Variants in SORBS2 observed in about 807,000 individuals in gnomAD.
The protein encoded by SORBS2 is sorbin and SH3 domain containing 2, also known as sorbin and SH3 domain-containing protein 2.
In SORBS2, 46 loss-of-function variants were observed where a neutral mutation model predicts 97.7. The observed-to-expected ratio is 0.47, with a 90% confidence interval of 0.37 to 0.60. The LOEUF is 0.60. Among genes scored for constraint, SORBS2 ranks in the 20% least tolerant of loss-of-function variants. The probability of loss-of-function intolerance (pLI) is 0.00; values close to 1 mark genes in which losing one functional copy is unlikely to be tolerated. For missense variants in SORBS2, 1,316 were observed against 1,282.3 expected, an observed-to-expected ratio of 1.03 and a Z score of -0.40; for synonymous variants, 476 against 473.4, an observed-to-expected ratio of 1.01 and a Z score of -0.07.
chr4:185,880,153 C>T (rs1211341997), intron 1 of SORBS2, among the ~76,000 whole-genome samples: 1 of 152,190 alleles, frequency 6.6e-6, no homozygotes, highest in African/African-American at 2.4e-5. Context: ...CAGGCTGCCT[C>T]GACCCTGCCT....
At chr4:185,897,866 G>A (rs2099245795) in intron 1 of SORBS2, among the ~76,000 whole-genome samples, 1 of 149,912 alleles carries the variant, frequency 6.7e-6, no homozygotes, top group Non-Finnish European at 1.5e-5. Context: ...GTGAAACCCT[G>A]TCTCCACTCA....
At chr4:185,750,536 T>C (rs901803811) in intron 2 of SORBS2, among the ~76,000 whole-genome samples, 1 of 152,254 alleles carries the variant, frequency 6.6e-6, no homozygotes, top group African/African-American at 2.4e-5. Context: ...CAGAAAGCTC[T>C]GCAGTGGATC....
chr4:185,640,528 A>G (rs2097109104), intron 4 of SORBS2, among the ~76,000 whole-genome samples: 2 of 152,216 alleles, frequency 1.3e-5, no homozygotes, highest in Non-Finnish European at 1.5e-5. Context: ...TGCCAGTATT[A>G]TATTTGGTTT....
chr4:185,635,271 A>G lies in SORBS2; in HGVS notation c.397-4673T>C, dbSNP rs2096976217. 7.1e-6 allele frequency: 7 copies of G among 989,228 alleles called. 1 individual carries two copies. The South Asian group carries it at 1.0e-4, about 14-fold the overall frequency. 61.3% of individuals were successfully genotyped at this position (989,228 alleles called of 1,614,324 possible). ...TTCAAAAATAGCTTAGACATTACAG[A>G]GAATTGTAAAACACAGATGTGCAGA... On this transcript the variant is annotated intron_variant, in intron 4 of 14. Transcript: ENST00000418609.
intron 12 of SORBS2, among the ~76,000 whole-genome samples, chr4:185,608,433 C>T (rs971926277): frequency 6.6e-6 from 1 of 152,128 alleles, no homozygotes; most frequent in African/African-American, 2.4e-5. Flanking sequence ...GCTTCAGCTC[C>T]CGTTCTCTTT....
chr4:185,596,113 A>G (rs1273606654), intron 12 of SORBS2, among the ~76,000 whole-genome samples: 1 of 152,216 alleles, frequency 6.6e-6, no homozygotes, highest in African/African-American at 2.4e-5. Context: ...TGTGTAAAAT[A>G]TATTTCATTA....
intron 2 of SORBS2, among the ~76,000 whole-genome samples, chr4:185,744,925 G>C (rs1277183694): frequency 6.6e-6 from 1 of 152,232 alleles, no homozygotes; most frequent in Admixed American, 6.5e-5. Flanking sequence ...TGGATTGGGG[G>C]CTCAGAAGAG....
intron 1 of SORBS2, among the ~76,000 whole-genome samples, chr4:185,788,348 A>G (rs2099065882): frequency 6.6e-6 from 1 of 152,234 alleles, no homozygotes; most frequent in Admixed American, 6.5e-5. Flanking sequence ...AAAGAAATTA[A>G]TAGGCTATAT....
intron 1 of SORBS2, among the ~76,000 whole-genome samples, chr4:185,911,677 C>A (rs1195116917): frequency 6.6e-6 from 1 of 152,152 alleles, no homozygotes; most frequent in African/African-American, 2.4e-5. Flanking sequence ...CAGGTGGCAG[C>A]GGTGACAGAC....
intron 1 of SORBS2, among the ~76,000 whole-genome samples, chr4:185,936,986 A>T (rs1356011394): frequency 6.6e-6 from 1 of 152,254 alleles, no homozygotes; most frequent in African/African-American, 2.4e-5. Context: ...CTTCTAAAAG[A>T]TTACATAGCA....
exon 7 of SORBS2, chr4:185,624,220 T>G: frequency 6.2e-7 from 1 of 1,614,172 alleles, no homozygotes; most frequent in Non-Finnish European, 8.5e-7. Context: ...CCGACTTGAC[T>G]TTCGGGTCCG....
Position 185,600,630 on chromosome 4 carries a change from C to T in SORBS2, c.2797-6695G>A, listed in dbSNP as rs149557406. 5.0e-3 allele frequency among the ~76,000 whole-genome samples: 760 copies of T among 152,266 alleles called. 9 individuals carry two copies. Among genetic ancestry groups the T allele is most frequent in the African/African-American group, 0.017 (721 of 41,560 alleles). On this transcript the variant is annotated intron_variant, in intron 12 of 14. Transcript: ENST00000418609. ...CTGGGATTACAGGTGTCAGCCACTG[C>T]GCCCGGCCAAGAAATGTTATGTCTT...
intron 1 of SORBS2, among the ~76,000 whole-genome samples, chr4:185,875,465 T>C (rs906838549): frequency 6.6e-6 from 1 of 152,258 alleles, no homozygotes; most frequent in African/African-American, 2.4e-5. Context: ...CTGTGGCCAA[T>C]TCCCATCGCT....
intron 2 of SORBS2, among the ~76,000 whole-genome samples, chr4:185,718,053 C>CA (rs2098480606): frequency 6.6e-6 from 1 of 152,052 alleles, no homozygotes; most frequent in Non-Finnish European, 1.5e-5. Flanking sequence ...CAACATGGTG[C>CA]AACCCCATCT....
At chr4:185,672,782 T>C (rs2097732222) in intron 4 of SORBS2, among the ~76,000 whole-genome samples, 1 of 152,238 alleles carries the variant, frequency 6.6e-6, no homozygotes, top group Non-Finnish European at 1.5e-5. Flanking sequence ...TAATTCTTTA[T>C]AATGGAGCAC....
chr4:185,638,772 G>A (rs2097072946), intron 4 of SORBS2, 105 bp downstream of exon 14: 3 of 1,110,034 alleles, frequency 2.7e-6, no homozygotes, highest in Non-Finnish European at 3.7e-6. Flanking sequence ...CTGGATGGGT[G>A]CGAGCGGGAC....
At chr4:185,637,995 C>A in intron 4 of SORBS2, 84 bp downstream of exon 15, 1 of 852,982 alleles carries the variant, frequency 1.2e-6, no homozygotes, top group South Asian at 1.4e-5. Flanking sequence ...CTCTGAATGA[C>A]ACCCACGTCT....
intron 2 of SORBS2, among the ~76,000 whole-genome samples, chr4:185,727,503 G>A (rs1166933567): frequency 1.3e-5 from 2 of 152,158 alleles, no homozygotes; most frequent in Non-Finnish European, 2.9e-5. Context: ...TGAAATCAGT[G>A]ACAGGTTAAT....
At chr4:185,897,520 C>G (rs2099245625) in intron 1 of SORBS2, among the ~76,000 whole-genome samples, 1 of 152,190 alleles carries the variant, frequency 6.6e-6, no homozygotes, top group Admixed American at 6.5e-5. Context: ...CTCCTATGTA[C>G]ACATTAAGAA....
Sources: gnomAD v4.1 joint callset for allele counts (sites outside exome capture counted in the v4.1 genomes callset) on GRCh38, gnomAD v4.1.1 for gene constraint, MANE v1.5 for transcripts, NCBI Gene and HGNC (gene_info 2026-07-23, HGNC 2026-07-21) for gene names.